NDUFS5: variants seen among roughly 807,000 people sequenced by gnomAD.
NDUFS5 encodes the protein NADH dehydrogenase [ubiquinone] iron-sulfur protein 5.
In NDUFS5, 7 loss-of-function variants were observed where a neutral mutation model predicts 10.5. The ratio of observed to expected loss-of-function variants is 0.66; its 90% CI spans 0.38 to 1.25. NDUFS5 has a LOEUF of 1.25. Among genes scored for constraint, NDUFS5 ranks in the 50% most tolerant of loss-of-function variants. The probability of loss-of-function intolerance (pLI) is 0.02; values close to 1 mark genes in which losing one functional copy is unlikely to be tolerated. For missense variants in NDUFS5, 148 were observed against 140.7 expected, an observed-to-expected ratio of 1.05 and a Z score of -0.26; for synonymous variants, 38 against 44.0, an observed-to-expected ratio of 0.86 and a Z score of 0.54.
At chr1:39,033,079 G>A (rs1438076836) in intron 2 of NDUFS5, among the ~76,000 whole-genome samples, 1 of 152,192 alleles carries the variant, frequency 6.6e-6, no homozygotes, top group African/African-American at 2.4e-5. Flanking sequence ...TGACACACTT[G>A]TGTAACATAG....
At position 39,028,920 on chromosome 1, in the gene NDUFS5, T is replaced by A. The variant is rs771155950; in HGVS notation, c.196T>A (p.Cys66Ser). 1.9e-6 allele frequency: 3 copies of A among 1,613,272 alleles called. No homozygotes were observed. Among genetic ancestry groups the A allele is most frequent in the Non-Finnish European group, 1.7e-6 (2 of 1,179,722 alleles). Reference protein sequence around the residue: ...CKIEYDDFVECLLRQKTMRRA... With the variant: ...CKIEYDDFVESLLRQKTMRRA... ...GATAGAATATGATGATTTCGTAGAGTGTTTGCTTCGGCAGAAAACGGTAAG... is the reference window on the plus strand; with the variant it reads ...GATAGAATATGATGATTTCGTAGAGAGTTTGCTTCGGCAGAAAACGGTAAG... The change falls in exon 2 of 3, where the codon TGT becomes AGT. Residue 66 changes from cysteine to serine, a missense_variant. Physicochemically the swap from Cys to Ser is moderately radical, Grantham distance 112 (BLOSUM62 -1). Coordinates refer to ENST00000372969, the MANE Select transcript of NDUFS5 (RefSeq NM_004552.3).
Position 39,031,362 on chromosome 1 carries a change from G to A in NDUFS5, c.216+2422G>A, listed in dbSNP as rs529895641. Among the ~76,000 whole-genome samples the A allele has an allele frequency of 1.2e-4, 19 of 152,056 alleles. No homozygotes were observed. The South Asian group carries it at 2.5e-3, about 20-fold the overall frequency. Reference sequence around the variant, plus strand: ...CTTGTTCTGTCACCCGGGCTGGAGTGCAGTGGCGTGATCATAGCTTACTGC... The same window carrying A: ...CTTGTTCTGTCACCCGGGCTGGAGTACAGTGGCGTGATCATAGCTTACTGC... On this transcript the variant is annotated intron_variant, in intron 2 of 2. Transcript: ENST00000372969.
intron 1 of NDUFS5, among the ~76,000 whole-genome samples, chr1:39,028,066 C>T (rs1196518278): frequency 3.4e-5 from 5 of 147,534 alleles, no homozygotes; most frequent in Middle Eastern, 7.1e-3. Context: ...GTAATCCACC[C>T]GCCTTGGCCT....
chr1:39,027,841 C>CA (rs1428780332), intron 1 of NDUFS5, among the ~76,000 whole-genome samples: 1 of 99,594 alleles, frequency 1.0e-5, no homozygotes, highest in Non-Finnish European at 1.8e-5. Flanking sequence ...TTTTTTGAGA[C>CA]AGAGTCTCGC....
At chr1:39,031,919 A>T (rs1316272289) in intron 2 of NDUFS5, among the ~76,000 whole-genome samples, 2 of 152,156 alleles carry the variant, frequency 1.3e-5, no homozygotes, top group African/African-American at 4.8e-5. Flanking sequence ...TAACTTTGGG[A>T]GGCTGAGGCG....
At chr1:39,027,814 C>CTTTT (rs1157906500) in intron 1 of NDUFS5, among the ~76,000 whole-genome samples, 1 of 35,544 alleles carries the variant, frequency 2.8e-5, no homozygotes, top group African/African-American at 9.5e-5. Context: ...TCTTCTTCTT[C>CTTTT]TTTTTTTTTT....
intron 1 of NDUFS5, among the ~76,000 whole-genome samples, chr1:39,028,185 A>C (rs1644165779): frequency 1.4e-5 from 2 of 145,014 alleles, no homozygotes; most frequent in Admixed American, 1.4e-4. Context: ...TAATCCCAGC[A>C]CTTTGGGAGG....
At chr1:39,032,132 C>T (rs900233542) in intron 2 of NDUFS5, among the ~76,000 whole-genome samples, 2 of 152,062 alleles carry the variant, frequency 1.3e-5, no homozygotes, top group African/African-American at 2.4e-5. Flanking sequence ...GCACTCCATC[C>T]AGCCTGAGCA....
In NDUFS5 at chr1:39,031,276, G is replaced by T. The variant is rs1644189103; in HGVS notation, c.216+2336G>T. On this transcript the variant is annotated intron_variant, in intron 2 of 2. Coordinates refer to ENST00000372969, the MANE Select transcript of NDUFS5 (RefSeq NM_004552.3). ...CGATCCCACATTGGCCTCCCAAAGTGCTGGAATTACAGGTGTGAGCCACCA... is the reference window on the plus strand; with the variant it reads ...CGATCCCACATTGGCCTCCCAAAGTTCTGGAATTACAGGTGTGAGCCACCA... Among the ~76,000 whole-genome samples the T allele has an allele frequency of 3.3e-5, 5 of 152,016 alleles. No homozygotes were observed. In the South Asian group the frequency reaches 8.3e-4, roughly 25 times the overall value.
intron 1 of NDUFS5, 99 bp from the exon 2 acceptor site, chr1:39,028,624 C>T: frequency 9.6e-7 from 1 of 1,041,342 alleles, no homozygotes; most frequent in South Asian, 1.3e-5. Flanking sequence ...TTCTAGAGGG[C>T]TACTTAGCAT....
rs1570994538 is a variant in NDUFS5, at chr1:39,034,601, G to T, written c.*105G>T. 7 of 889,950 alleles carry T rather than the reference G, an allele frequency of 7.9e-6. No homozygotes were observed. In the East Asian group the frequency reaches 1.6e-4, roughly 20 times the overall value. The allele number at this position is 889,950 out of a possible 1,614,324, so 55.1% of individuals were successfully genotyped here. ...CTTGTCAAAGTGTGTAAAAATAAAG[G>T]ATTGCTCCATCCTATTTGTTCTATT... On this transcript the variant is annotated 3_prime_UTR_variant, in exon 3 of 3. Transcript: ENST00000372969.
chr1:39,029,505 C>A (rs1644175776), intron 2 of NDUFS5, among the ~76,000 whole-genome samples: 1 of 152,164 alleles, frequency 6.6e-6, no homozygotes, highest in Non-Finnish European at 1.5e-5. Context: ...GCTTTAGCCA[C>A]CAGGTTAGAA....
intron 2 of NDUFS5, among the ~76,000 whole-genome samples, chr1:39,030,413 A>AAAAAAAAGAAAAT (rs2148082602): frequency 2.7e-5 from 4 of 146,000 alleles, no homozygotes; most frequent in East Asian, 4.1e-4. Context: ...TCAAGAAAAA[A>AAAAAAAAGAAAAT]AAAAAAAAGA....
intron 2 of NDUFS5, among the ~76,000 whole-genome samples, chr1:39,032,217 A>G (rs1481830787): frequency 6.6e-6 from 1 of 152,166 alleles, no homozygotes; most frequent in Non-Finnish European, 1.5e-5. Context: ...AGTTAAGGAC[A>G]TTGCTTGAAC....
intron 2 of NDUFS5, 91 bp downstream of exon 2, chr1:39,029,031 C>G: frequency 8.2e-7 from 1 of 1,218,086 alleles, no homozygotes; most frequent in Non-Finnish European, 1.1e-6. Flanking sequence ...TCACTCTTGT[C>G]CCCTAGGCTG....
chr1:39,034,350 C>T (rs1034804068), intron 2 of NDUFS5, 42 bp from the exon 3 acceptor site: 2 of 1,591,534 alleles, frequency 1.3e-6, no homozygotes, highest in African/African-American at 1.3e-5. Context: ...CTTTTTGGCA[C>T]ATATCTCCTC....
chr1:39,028,627 C>T, intron 1 of NDUFS5, 96 bp from the exon 2 acceptor site: 1 of 1,111,390 alleles, frequency 9.0e-7, no homozygotes, highest in Non-Finnish European at 1.3e-6. Context: ...TAGAGGGCTA[C>T]TTAGCATGAT....
chr1:39,033,775 C>T (rs1179229207), intron 2 of NDUFS5, among the ~76,000 whole-genome samples: 2 of 140,642 alleles, frequency 1.4e-5, no homozygotes, highest in East Asian at 2.2e-4. Context: ...GCTGGGATTA[C>T]AGGCGTGAGC....
At chr1:39,031,052 C>T (rs10788903) in intron 2 of NDUFS5, among the ~76,000 whole-genome samples, 106,862 of 151,772 alleles carry the variant, frequency 0.7, 39,697 homozygotes, top group Non-Finnish European at 0.85. Flanking sequence ...TGTATTTTAG[C>T]AGAGACAAGG....
Sources: allele counts gnomAD v4.1 joint callset (sites outside exome capture counted in the v4.1 genomes callset), GRCh38; gene constraint gnomAD v4.1.1; transcripts MANE v1.5; gene names NCBI Gene and HGNC (gene_info 2026-07-23, HGNC 2026-07-21).